CLNK: variants seen among roughly 807,000 people sequenced by gnomAD.
CLNK encodes the protein cytokine dependent hematopoietic cell linker.
Under a neutral mutation model 68.6 loss-of-function variants are expected in CLNK, and 74 were observed. That is an observed-to-expected ratio of 1.08 (90% confidence interval 0.89 to 1.31). The LOEUF is 1.31. Ranked by LOEUF, CLNK falls within the 50% of genes most tolerant of loss-of-function variation. CLNK has a pLI of 0.00. For synonymous variants in CLNK, 198 were observed against 172.2 expected, an observed-to-expected ratio of 1.15 and a Z score of -1.17; for missense variants, 553 against 515.3, an observed-to-expected ratio of 1.07 and a Z score of -0.71.
At chr4:10,581,121 A>C (rs981288516) in intron 4 of CLNK, among the ~76,000 whole-genome samples, 1 of 152,172 alleles carries the variant, frequency 6.6e-6, no homozygotes, top group African/African-American at 2.4e-5. Flanking sequence ...CAGCACAGCA[A>C]CATCCTGTAC....
intron 2 of CLNK, among the ~76,000 whole-genome samples, chr4:10,640,498 A>T (rs1248562586): frequency 6.6e-6 from 1 of 152,206 alleles, no homozygotes; most frequent in Non-Finnish European, 1.5e-5. Flanking sequence ...TCTTAAAAGT[A>T]TCTCTCTGTG....
the CLNK span, among the ~76,000 whole-genome samples, chr4:10,718,695 T>C: frequency 6.6e-6 from 1 of 151,574 alleles, no homozygotes; most frequent in Admixed American, 6.6e-5. Context: ...AAAAAAAATA[T>C]GTTAAGAAAT....
intron 2 of CLNK, among the ~76,000 whole-genome samples, chr4:10,611,367 G>T (rs761882903): frequency 2.6e-5 from 4 of 151,550 alleles, no homozygotes; most frequent in Non-Finnish European, 5.9e-5. Flanking sequence ...GCATGGTGGC[G>T]GGTGCCTGTA....
intron 3 of CLNK, among the ~76,000 whole-genome samples, chr4:10,593,517 G>A (rs1265468471): frequency 1.3e-5 from 2 of 152,080 alleles, no homozygotes; most frequent in African/African-American, 2.4e-5. Context: ...TGCTGGGCGT[G>A]GTGGCAGGCA....
chr4:10,536,997 C>A (rs1388985950), intron 11 of CLNK, among the ~76,000 whole-genome samples: 2 of 152,158 alleles, frequency 1.3e-5, no homozygotes, highest in Non-Finnish European at 2.9e-5. Context: ...TGGATGTATT[C>A]CTCGAACTTG....
At chr4:10,716,253 G>A in the CLNK span, among the ~76,000 whole-genome samples, 14 of 152,188 alleles carry the variant, frequency 9.2e-5, no homozygotes, top group Non-Finnish European at 1.5e-4. Flanking sequence ...TTGAGGTTGA[G>A]GATTCTGATA....
chr4:10,575,263 G>C (rs1194873363), intron 4 of CLNK, among the ~76,000 whole-genome samples: 1 of 152,172 alleles, frequency 6.6e-6, no homozygotes, highest in Admixed American at 6.5e-5. Flanking sequence ...TCCGACTTCA[G>C]CTGCTTCAGC....
In CLNK at chr4:10,490,264, A is replaced by C; in HGVS notation, c.*203T>G. 1 of 450,092 alleles carries C rather than the reference A, an allele frequency of 2.2e-6. No homozygotes were observed. Among genetic ancestry groups the C allele is most frequent in the Non-Finnish European group, 3.8e-6 (1 of 261,722 alleles). 27.9% of individuals were successfully genotyped at this position (450,092 alleles called of 1,614,324 possible). ...AGTGGCCAGTTACTAGAATGTTTTT[A>C]TTTTTTGCATGTTATAAATATTTTC... On this transcript the variant is annotated 3_prime_UTR_variant, in exon 19 of 19. Transcript: ENST00000226951.
At chr4:10,634,853 G>A (rs1405992406) in intron 2 of CLNK, among the ~76,000 whole-genome samples, 1 of 152,098 alleles carries the variant, frequency 6.6e-6, no homozygotes, top group African/African-American at 2.4e-5. Flanking sequence ...TTGGTAAAAT[G>A]AGCAGTTGGA....
At chr4:10,578,847 C>T (rs191234156) in intron 4 of CLNK, among the ~76,000 whole-genome samples, 1 of 152,164 alleles carries the variant, frequency 6.6e-6, no homozygotes, top group Non-Finnish European at 1.5e-5. Context: ...GCTGGCATTA[C>T]AGGTGTGCGC....
At chr4:10,561,825 A>G (rs1719897745) in intron 7 of CLNK, among the ~76,000 whole-genome samples, 1 of 152,044 alleles carries the variant, frequency 6.6e-6, no homozygotes, top group South Asian at 2.1e-4. Context: ...TGAACAGAAG[A>G]TGAACTGGGG....
At chr4:10,679,334 T>A (rs1382115126) in intron 1 of CLNK, among the ~76,000 whole-genome samples, 1 of 152,164 alleles carries the variant, frequency 6.6e-6, no homozygotes. Context: ...TGAAACTGGA[T>A]CCCTTCCTTA....
At chr4:10,577,629 C>T (rs1325957686) in intron 4 of CLNK, among the ~76,000 whole-genome samples, 2 of 151,856 alleles carry the variant, frequency 1.3e-5, no homozygotes, top group East Asian at 1.9e-4. Context: ...CATCCTGTTG[C>T]CTGGAGTACA....
At chr4:10,650,077 A>G (rs13139842) in intron 2 of CLNK, among the ~76,000 whole-genome samples, 67,696 of 151,958 alleles carry the variant, frequency 0.45, 16,084 homozygotes, top group Non-Finnish European at 0.54. Flanking sequence ...AAAAATAAAA[A>G]TGAGACATAA....
upstream of CLNK, among the ~76,000 whole-genome samples, chr4:10,688,974 A>C (rs766708409): frequency 8.5e-5 from 13 of 152,150 alleles, no homozygotes; most frequent in Non-Finnish European, 1.8e-4. Flanking sequence ...ATTTCTTATG[A>C]ATAAACATTT....
chr4:10,634,690 T>C (rs992327435), intron 2 of CLNK, among the ~76,000 whole-genome samples: 14 of 152,236 alleles, frequency 9.2e-5, no homozygotes, highest in Non-Finnish European at 1.0e-4. Flanking sequence ...TTGAAATACC[T>C]GTCACTGCTC....
chr4:10,611,538 CA>C (rs1722024444), intron 2 of CLNK, among the ~76,000 whole-genome samples: 3 of 150,400 alleles, frequency 2.0e-5, no homozygotes, highest in Non-Finnish European at 4.4e-5. Context: ...CTGCAGTCTG[CA>C]GGGAAGCTGG....
At chr4:10,709,837 G>C in the CLNK span, among the ~76,000 whole-genome samples, 1 of 152,108 alleles carries the variant, frequency 6.6e-6, no homozygotes, top group Non-Finnish European at 1.5e-5. Flanking sequence ...TATCACCCTA[G>C]CTGACAACTG....
At chr4:10,578,168 A>G (rs1193557299) in intron 4 of CLNK, among the ~76,000 whole-genome samples, 1 of 152,250 alleles carries the variant, frequency 6.6e-6, no homozygotes, top group East Asian at 1.9e-4. Flanking sequence ...AGTGCCCAGT[A>G]ACAAGATGCT....
Sources: allele counts gnomAD v4.1 joint callset (sites outside exome capture counted in the v4.1 genomes callset), GRCh38; gene constraint gnomAD v4.1.1; transcripts MANE v1.5; gene names NCBI Gene and HGNC (gene_info 2026-07-23, HGNC 2026-07-21).